STK39: variants seen among roughly 807,000 people sequenced by gnomAD.
The protein encoded by STK39 is serine/threonine kinase 39, also known as STE20/SPS1-related proline-alanine-rich protein kinase.
A neutral mutation model predicts 77.8 loss-of-function variants in STK39; 20 were observed. The ratio of observed to expected loss-of-function variants is 0.26; its 90% CI spans 0.18 to 0.37. The LOEUF (loss-of-function observed/expected upper bound fraction) is 0.37, where lower values mean the gene tolerates loss of function less well. Ranked by LOEUF, STK39 falls within the 10% of genes least tolerant of loss-of-function variation. The probability of loss-of-function intolerance (pLI) is 1.00; values close to 1 mark genes in which losing one functional copy is unlikely to be tolerated. For synonymous variants in STK39, 246 were observed against 234.1 expected (o/e 1.05, Z -0.47); for missense variants, 479 against 656.5 (o/e 0.73, Z 2.95).
At chr2:168,183,354 T>G (rs1689131008) in intron 1 of STK39, among the ~76,000 whole-genome samples, 1 of 152,140 alleles carries the variant, frequency 6.6e-6, no homozygotes, top group African/African-American at 2.4e-5. Flanking sequence ...GACCACCCAC[T>G]GCACAGTAGA....
chr2:168,160,415 G>A (rs1688538194), intron 5 of STK39, among the ~76,000 whole-genome samples: 2 of 152,148 alleles, frequency 1.3e-5, no homozygotes, highest in Admixed American at 6.5e-5. Context: ...TCAGTGCAAG[G>A]GAGTATCACT....
intron 1 of STK39, among the ~76,000 whole-genome samples, chr2:168,218,757 G>A (rs1296759099): frequency 1.3e-5 from 2 of 152,158 alleles, no homozygotes; most frequent in African/African-American, 4.8e-5. Context: ...AAAAGCTCTA[G>A]ACTCTGAAAA....
At chr2:168,035,080 G>A (rs763502533) in intron 14 of STK39, among the ~76,000 whole-genome samples, 8 of 152,176 alleles carry the variant, frequency 5.3e-5, no homozygotes, top group Non-Finnish European at 7.3e-5. Context: ...AAAGTTGGTC[G>A]TTAATGATTT....
At chr2:168,021,935 T>C (rs571159954) in intron 14 of STK39, among the ~76,000 whole-genome samples, 88 of 152,186 alleles carry the variant, frequency 5.8e-4, no homozygotes, top group Admixed American at 1.2e-3. Context: ...GTTTTATGAA[T>C]TTGGTGCATA....
intron 17 of STK39, among the ~76,000 whole-genome samples, chr2:167,963,003 C>T (rs1364549945): frequency 6.6e-6 from 1 of 152,128 alleles, no homozygotes; most frequent in Non-Finnish European, 1.5e-5. Flanking sequence ...ATTAGCCTGT[C>T]CCGGGTGTGC....
At chr2:168,129,393 C>A (rs1009635705) in intron 10 of STK39, 148 bp downstream of exon 10, 2 of 829,208 alleles carry the variant, frequency 2.4e-6, no homozygotes, top group African/African-American at 3.4e-5. Flanking sequence ...AACGAAAAGG[C>A]AAATGCAGTT....
intron 1 of STK39, among the ~76,000 whole-genome samples, chr2:168,184,100 A>C (rs1196696093): frequency 6.6e-6 from 1 of 152,218 alleles, no homozygotes; most frequent in African/African-American, 2.4e-5. Context: ...CAAATCAAGG[A>C]GTTTCAAAAA....
At chr2:168,149,366 T>G (rs1688222480) in intron 5 of STK39, among the ~76,000 whole-genome samples, 1 of 152,248 alleles carries the variant, frequency 6.6e-6, no homozygotes, top group South Asian at 2.1e-4. Context: ...ATACAGCCCA[T>G]GCTGGCAGGT....
chr2:168,144,148 C>A (rs1179068149), intron 5 of STK39, among the ~76,000 whole-genome samples: 1 of 152,212 alleles, frequency 6.6e-6, no homozygotes, highest in East Asian at 1.9e-4. Context: ...TGGAGAGTGG[C>A]AGATCTACTA....
At chr2:168,181,101 T>C (rs1052678488) in intron 2 of STK39, among the ~76,000 whole-genome samples, 3 of 152,210 alleles carry the variant, frequency 2.0e-5, no homozygotes, top group Non-Finnish European at 4.4e-5. Context: ...CAACTGTCAT[T>C]ATACTTTGTA....
intron 14 of STK39, among the ~76,000 whole-genome samples, chr2:168,049,240 C>T (rs148451299): frequency 1.3e-5 from 2 of 152,178 alleles, no homozygotes; most frequent in African/African-American, 4.8e-5. Flanking sequence ...GAACACACGG[C>T]TAATGCTGGA....
intron 5 of STK39, among the ~76,000 whole-genome samples, 176 bp from the exon 6 acceptor site, chr2:168,140,934 C>T (rs1375717072): frequency 3.9e-5 from 6 of 152,194 alleles, no homozygotes; most frequent in Non-Finnish European, 8.8e-5. Flanking sequence ...CTATCCCCTA[C>T]ACCTTGGAGA....
intron 16 of STK39, among the ~76,000 whole-genome samples, chr2:167,988,053 C>T (rs913017925): frequency 1.3e-5 from 2 of 152,116 alleles, no homozygotes; most frequent in Non-Finnish European, 2.9e-5. Context: ...GGGACAGAGG[C>T]AAGATTTGAA....
At chr2:168,085,381 C>T (rs890591332) in intron 10 of STK39, among the ~76,000 whole-genome samples, 1 of 152,212 alleles carries the variant, frequency 6.6e-6, no homozygotes, top group Admixed American at 6.5e-5. Context: ...TGTGTGCTCC[C>T]GTTTTCCCCC....
intron 2 of STK39, among the ~76,000 whole-genome samples, chr2:168,180,971 T>C (rs566109103): frequency 2.6e-5 from 4 of 152,334 alleles, no homozygotes; most frequent in South Asian, 2.1e-4. Flanking sequence ...TAATTTATAC[T>C]ATAGTGTACT....
intron 1 of STK39, among the ~76,000 whole-genome samples, chr2:168,234,664 C>T (rs911178431): frequency 6.6e-6 from 1 of 152,100 alleles, no homozygotes; most frequent in Admixed American, 6.5e-5. Flanking sequence ...CTGTAATAGA[C>T]CAGGCAAAAG....
chr2:168,186,613 C>T (rs1689215596), intron 1 of STK39, among the ~76,000 whole-genome samples: 1 of 152,226 alleles, frequency 6.6e-6, no homozygotes, highest in Admixed American at 6.5e-5. Flanking sequence ...TTCGACCTAA[C>T]TGCTATCTAG....
chr2:168,199,493 A>T (rs2138749), intron 1 of STK39, among the ~76,000 whole-genome samples: 151,227 of 152,250 alleles, frequency 0.99, 75,108 homozygotes, highest in Middle Eastern at 1. Context: ...TCCATGATAA[A>T]TTACTTTGTA....
Position 167,981,036 on chromosome 2 carries a change from G to A in STK39, c.1499-16310C>T, listed in dbSNP as rs112329993. 2.2e-3 allele frequency among the ~76,000 whole-genome samples: 337 copies of A among 149,814 alleles called. 1 individual carries two copies. Among genetic ancestry groups the A allele is most frequent in the African/African-American group, 7.9e-3 (319 of 40,498 alleles). The stretch of plus-strand genomic sequence containing the variant: ...GATGTGAACTAAGACTTCACACTAC[G>A]TTAGGCCACAGAGTAAAAAAAAAAA... On this transcript the variant is annotated intron_variant, in intron 16 of 17. Transcript: ENST00000355999.
Sources: gnomAD v4.1 joint callset for allele counts (sites outside exome capture counted in the v4.1 genomes callset) on GRCh38, gnomAD v4.1.1 for gene constraint, MANE v1.5 for transcripts, NCBI Gene and HGNC (gene_info 2026-07-23, HGNC 2026-07-21) for gene names.